ANK2: variants seen among roughly 807,000 people sequenced by gnomAD.
ANK2 encodes the protein ankyrin 2, also known as ankyrin-2.
In ANK2, 83 loss-of-function variants were observed where a neutral mutation model predicts 360.5. The ratio of observed to expected loss-of-function variants is 0.23; its 90% CI spans 0.19 to 0.28. The LOEUF (loss-of-function observed/expected upper bound fraction) is 0.28, where lower values mean the gene tolerates loss of function less well. ANK2 is among the 10% of genes least tolerant of loss of function. ANK2 has a pLI of 1.00. For missense variants in ANK2, 4,201 were observed against 4,795.7 expected, an observed-to-expected ratio of 0.88 and a Z score of 3.66; for synonymous variants, 1,740 against 1,759.5, an observed-to-expected ratio of 0.99 and a Z score of 0.28.
the ANK2 span, among the ~76,000 whole-genome samples, chr4:112,774,222 G>T: frequency 4.6e-5 from 7 of 151,046 alleles, no homozygotes; most frequent in South Asian, 2.1e-4. Context: ...TCCATGTATT[G>T]TAAGATATAA....
intron 2 of ANK2, among the ~76,000 whole-genome samples, chr4:112,975,149 T>TA (rs1320392026): frequency 6.6e-6 from 1 of 152,198 alleles, no homozygotes; most frequent in African/African-American, 2.4e-5. Context: ...TGTCGGCACT[T>TA]ACCTGTCTGA....
At chr4:112,917,116 C>T (rs2090083413) in intron 2 of ANK2, among the ~76,000 whole-genome samples, 1 of 152,182 alleles carries the variant, frequency 6.6e-6, no homozygotes, top group African/African-American at 2.4e-5. Flanking sequence ...ATAGCTAGAC[C>T]TCACGGTTTG....
At chr4:112,870,364 A>G (rs1179138659) in intron 1 of ANK2, among the ~76,000 whole-genome samples, 1 of 152,192 alleles carries the variant, frequency 6.6e-6, no homozygotes, top group Non-Finnish European at 1.5e-5. Context: ...TGTCATATCT[A>G]AGAAACCCTT....
At chr4:113,258,239 G>GTT in intron 12 of ANK2, 74 bp from the exon 13 acceptor site, 1 of 1,581,674 alleles carries the variant, frequency 6.3e-7, no homozygotes, top group Non-Finnish European at 8.7e-7. Context: ...CTTCACTCAA[G>GTT]TTTTATTTAT....
the ANK2 span, among the ~76,000 whole-genome samples, chr4:112,745,013 C>G: frequency 6.6e-6 from 1 of 152,194 alleles, no homozygotes; most frequent in Non-Finnish European, 1.5e-5. Context: ...CCCTTTTTCT[C>G]TATATGTCAT....
At chr4:113,195,107 A>G (rs758432815) in intron 2 of ANK2, among the ~76,000 whole-genome samples, 71 of 152,256 alleles carry the variant, frequency 4.7e-4, no homozygotes, top group Admixed American at 7.8e-4. Flanking sequence ...TGAACTATAA[A>G]TCTGATCATA....
At chr4:113,084,561 A>T (rs1057216420) in intron 1 of ANK2, among the ~76,000 whole-genome samples, 1 of 152,214 alleles carries the variant, frequency 6.6e-6, no homozygotes, top group Non-Finnish European at 1.5e-5. Flanking sequence ...GATATTTTGG[A>T]TTTCTGAAAT....
chr4:113,134,281 CTTTTTTTT>C (rs5861124), intron 1 of ANK2, among the ~76,000 whole-genome samples: 136 of 86,092 alleles, frequency 1.6e-3, no homozygotes, highest in East Asian at 4.0e-3. Context: ...TGAAAGTTGT[CTTTTTTTT>C]TTTTTTTTTT....
At chr4:113,213,079 A>G (rs1015420690) in intron 4 of ANK2, among the ~76,000 whole-genome samples, 2 of 152,246 alleles carry the variant, frequency 1.3e-5, no homozygotes, top group Non-Finnish European at 2.9e-5. Context: ...AATGGGAAAA[A>G]GAATGAAGAT....
At chr4:112,767,871 T>C in the ANK2 span, among the ~76,000 whole-genome samples, 2 of 152,186 alleles carry the variant, frequency 1.3e-5, no homozygotes, top group African/African-American at 2.4e-5. Context: ...TCAAATATTC[T>C]TGTTACAGAG....
At chr4:112,960,058 A>T (rs1324832849) in intron 2 of ANK2, among the ~76,000 whole-genome samples, 1 of 152,180 alleles carries the variant, frequency 6.6e-6, no homozygotes, top group Non-Finnish European at 1.5e-5. Context: ...TAATAATAAT[A>T]ATTTATTTAA....
intron 1 of ANK2, among the ~76,000 whole-genome samples, chr4:112,845,466 A>G (rs2063086982): frequency 6.6e-6 from 1 of 152,208 alleles, no homozygotes; most frequent in South Asian, 2.1e-4. Flanking sequence ...TAGTAGAAGG[A>G]AACTGACTCT....
chr4:113,316,085 A>G (rs979032484), intron 24 of ANK2, among the ~76,000 whole-genome samples: 3 of 152,136 alleles, frequency 2.0e-5, no homozygotes, highest in African/African-American at 7.2e-5. Flanking sequence ...CAAAAGCTAA[A>G]TGTAAAACCA....
the ANK2 span, among the ~76,000 whole-genome samples, chr4:112,760,816 T>TC: frequency 6.6e-6 from 1 of 150,684 alleles, no homozygotes; most frequent in Non-Finnish European, 1.5e-5. Flanking sequence ...TTCTTTTTTT[T>TC]TTTTTTTTGA....
intron 1 of ANK2, among the ~76,000 whole-genome samples, chr4:113,121,185 A>G (rs2095329257): frequency 6.6e-6 from 1 of 152,200 alleles, no homozygotes; most frequent in Non-Finnish European, 1.5e-5. Flanking sequence ...TAACCATGAT[A>G]ACAATCCTAT....
At chr4:113,187,802 A>T (rs147339935) in intron 2 of ANK2, among the ~76,000 whole-genome samples, 9 of 152,336 alleles carry the variant, frequency 5.9e-5, no homozygotes, top group African/African-American at 2.2e-4. Context: ...ATAGATATCC[A>T]ATTAATATTT....
Position 113,358,374 on chromosome 4 carries a change from A to G in ANK2, c.9756A>G (p.Val3252=). The part of the protein sequence containing the change: ...ISCPDSSEPA[V]QVQLDFSTLT... ...GCCCCGACTCTTCTGAACCAGCTGT[A>G]CAAGTCCAGTTAGATTTTTCCACAC... Residue 3252 remains valine (V), a synonymous_variant, in exon 38 of 46, where the codon GTA becomes GTG. Transcript: ENST00000357077. 6.2e-7 allele frequency: 1 copy of G among 1,614,096 alleles called. No homozygotes were observed. The highest frequency in any genetic ancestry group is 8.5e-7 in the Non-Finnish European group (1 of 1,179,968).
At chr4:112,881,779 A>G (rs1041605478) in intron 1 of ANK2, 10 of 772,902 alleles carry the variant, frequency 1.3e-5, no homozygotes, top group East Asian at 2.5e-5. Flanking sequence ...TGTTCAAAAT[A>G]AACTTTTAGT....
chr4:113,342,188 A>T (rs1234808113), intron 33 of ANK2, among the ~76,000 whole-genome samples: 1 of 152,214 alleles, frequency 6.6e-6, no homozygotes, highest in African/African-American at 2.4e-5. Context: ...AACTCAAAGT[A>T]TGTAAGTGAC....
Sources: gnomAD v4.1 joint callset for allele counts (sites outside exome capture counted in the v4.1 genomes callset) on GRCh38, gnomAD v4.1.1 for gene constraint, MANE v1.5 for transcripts, NCBI Gene and HGNC (gene_info 2026-07-23, HGNC 2026-07-21) for gene names.